ATP5F1E: variants seen among roughly 807,000 people sequenced by gnomAD.
ATP5F1E encodes ATP synthase F(1) complex subunit epsilon, mitochondrial.
Under a neutral mutation model 7.0 loss-of-function variants are expected in ATP5F1E, and 5 were observed. That is an observed-to-expected ratio of 0.71 (90% CI 0.37 to 1.49). The LOEUF (loss-of-function observed/expected upper bound fraction) is 1.49, where lower values mean the gene tolerates loss of function less well. ATP5F1E is among the 40% of genes most tolerant of loss of function. The pLI is 0.03. For synonymous variants in ATP5F1E, 20 were observed against 20.1 expected (o/e 0.99, Z 0.02); for missense variants, 59 against 57.1 (o/e 1.03, Z -0.11).
chr20:59,032,231 C>A lies in ATP5F1E; in HGVS notation c.21G>T (p.Gln7His), dbSNP rs1443946960. The change falls in exon 1 of 3, where the codon CAG (glutamine) becomes CAT (histidine). Residue 7 changes from glutamine to histidine, a missense_variant. Gln to His is a conservative substitution (Grantham distance 24, BLOSUM62 0). Transcript: ENST00000243997. ...AGGCCTGGGCCTACCTGAGTCCAGCCTGTCTCCAGTAGGCCACCATGCTGT... is the reference window on the plus strand; with the variant it reads ...AGGCCTGGGCCTACCTGAGTCCAGCATGTCTCCAGTAGGCCACCATGCTGT... MVAYWRQAGLSYIRYSQ... is the reference protein window; with the variant it reads MVAYWRHAGLSYIRYSQ... 1.3e-6 allele frequency: 2 copies of A among 1,595,648 alleles called. No homozygotes were observed. The highest frequency in any genetic ancestry group is 2.3e-5 in the East Asian group (1 of 44,288).
At position 59,026,669 on chromosome 20, in the gene ATP5F1E, T is replaced by C. The variant is rs547862321; in HGVS notation, c.*2176A>G. Reference sequence around the variant, plus strand: ...TTGAAGCCTAACCATCCAGACTGAGTAGTTAAAAATATTTAGAAATGCATC... The same window carrying C: ...TTGAAGCCTAACCATCCAGACTGAGCAGTTAAAAATATTTAGAAATGCATC... On this transcript the variant is annotated 3_prime_UTR_variant, in exon 3 of 3. Coordinates refer to ENST00000243997, the MANE Select transcript of ATP5F1E (RefSeq NM_006886.4). 1.3e-5 allele frequency: 2 copies of C among 152,282 alleles called. No individual in the cohort carries two copies. The highest frequency in any genetic ancestry group is 4.1e-4 in the South Asian group (2 of 4,834). 9.4% of individuals were successfully genotyped at this position (152,282 alleles called of 1,614,324 possible).
At chr20:59,029,732 A>C (rs1292840754) in intron 2 of ATP5F1E, 1 of 161,282 alleles carries the variant, frequency 6.2e-6, no homozygotes, top group Non-Finnish European at 1.4e-5. Context: ...ATCTTTGGAA[A>C]AGTAAAATGA....
chr20:59,030,656 G>T (rs1007142141), intron 1 of ATP5F1E, among the ~76,000 whole-genome samples: 1 of 152,130 alleles, frequency 6.6e-6, no homozygotes. Context: ...GATGATCTTT[G>T]ATTTTTCTTC....
chr20:59,032,327 C>G lies in ATP5F1E; in HGVS notation c.-76G>C. 6.4e-7 allele frequency: 1 copy of G among 1,551,912 alleles called. No homozygotes were observed. Among genetic ancestry groups the G allele is most frequent in the South Asian group, 1.2e-5 (1 of 84,744 alleles). On this transcript the variant is annotated 5_prime_UTR_variant, in exon 1 of 3. Coordinates refer to ENST00000243997, the MANE Select transcript of ATP5F1E (RefSeq NM_006886.4). ...TGTCGGCTCAGCCGGGCGGTTCAGC[C>G]GCAGGAAGATCAGACCACAGAAGCG...
rs2091993191 is a variant in ATP5F1E at position 59,026,129 on chromosome 20, A to T, written c.*2716T>A. The T allele has an allele frequency of 6.6e-6, 1 of 152,242 alleles. No individual in the cohort carries two copies. The highest frequency in any genetic ancestry group is 2.4e-5 in the African/African-American group (1 of 41,458). 9.4% of individuals were successfully genotyped at this position (152,242 alleles called of 1,614,324 possible). A position where few individuals can be genotyped will look rare whatever the true frequency, so the allele number is the denominator to read the frequency against. On this transcript the variant is annotated 3_prime_UTR_variant, in exon 3 of 3. Coordinates refer to ENST00000243997, the MANE Select transcript of ATP5F1E (RefSeq NM_006886.4). ...CTCTTGATTTGCTTTTGTAATCAGC[A>T]ATAATAAAATAGCAGGTAGATGGAT... is the stretch of plus-strand genomic sequence containing the variant.
chr20:59,031,835 TCTC>T (rs1229161186), intron 1 of ATP5F1E, among the ~76,000 whole-genome samples: 2 of 152,198 alleles, frequency 1.3e-5, no homozygotes, highest in African/African-American at 2.4e-5. Context: ...TGGAGAGAAA[TCTC>T]CTGTTTCCCG....
At chr20:59,030,106 G>T in intron 2 of ATP5F1E, 197 bp downstream of exon 2, 1 of 506,458 alleles carries the variant, frequency 2.0e-6, no homozygotes, top group East Asian at 4.6e-5. Flanking sequence ...TGCTTGTCAG[G>T]GCCCAAGAAG....
rs1474585678 is a variant in ATP5F1E, at chr20:59,028,371, T to C, written c.*474A>G. ...TACAATTTAGTATTTCTTCTTCTAA[T>C]CTACACTTTTAGTATTTAATAATTA... On this transcript the variant is annotated 3_prime_UTR_variant, in exon 3 of 3. Coordinates refer to ENST00000243997, the MANE Select transcript of ATP5F1E (RefSeq NM_006886.4). The C allele has an allele frequency of 6.6e-6, 1 of 152,250 alleles. No homozygotes were observed. The highest frequency in any genetic ancestry group is 2.4e-5 in the African/African-American group (1 of 41,458). 9.4% of individuals were successfully genotyped at this position (152,250 alleles called of 1,614,324 possible).
Position 59,032,335 on chromosome 20 carries a change from G to T in ATP5F1E, c.-84C>A, listed in dbSNP as rs937656951. On this transcript the variant is annotated 5_prime_UTR_variant, in exon 1 of 3. Transcript: ENST00000243997. ...CAGCCGGGCGGTTCAGCCGCAGGAA[G>T]ATCAGACCACAGAAGCGGAAGAGGC... 6.5e-7 allele frequency: 1 copy of T among 1,536,570 alleles called. No homozygotes were observed. The highest frequency in any genetic ancestry group is 8.8e-7 in the Non-Finnish European group (1 of 1,132,980).
intron 2 of ATP5F1E, 37 bp from the exon 3 acceptor site, chr20:59,028,878 T>C (rs2092008694): frequency 6.0e-6 from 1 of 166,944 alleles, no homozygotes; most frequent in Admixed American, 6.5e-5. Flanking sequence ...GCTGGCTAGT[T>C]CTCTGTGTTT....
chr20:59,031,373 AT>A lies in ATP5F1E; in HGVS notation c.32+846del, dbSNP rs1306231854. 7.9e-5 allele frequency among the ~76,000 whole-genome samples: 12 copies of A among 152,346 alleles called. No individual in the cohort carries two copies. In the East Asian group the frequency reaches 2.3e-3, roughly 29 times the overall value. ...CAGGGTAGGTTGCCTAATAAACGGT[AT>A]CTACTACTGGGACTATCATCCTTCC... is the stretch of plus-strand genomic sequence containing the variant. On this transcript the variant is annotated intron_variant, in intron 1 of 2. Transcript: ENST00000243997.
At chr20:59,029,755 G>A (rs1478841284) in intron 2 of ATP5F1E, 3 of 166,014 alleles carry the variant, frequency 1.8e-5, no homozygotes, top group African/African-American at 7.2e-5. Context: ...CAAACCCTCT[G>A]AAAGCATAAT....
At chr20:59,030,747 A>G (rs1288636881) in intron 1 of ATP5F1E, among the ~76,000 whole-genome samples, 1 of 152,224 alleles carries the variant, frequency 6.6e-6, no homozygotes, top group Non-Finnish European at 1.5e-5. Context: ...CACAGCATAG[A>G]AAAAAAGAGA....
chr20:59,028,275 GA>G lies in ATP5F1E; in HGVS notation c.*569del, dbSNP rs1212903883. On this transcript the variant is annotated 3_prime_UTR_variant, in exon 3 of 3. Coordinates refer to ENST00000243997, the MANE Select transcript of ATP5F1E (RefSeq NM_006886.4). ...TAAAGATTCATTTACAAAACAATGT[GA>G]AAAACACTTTGTGCTTAAATTCTGT... 8 of 152,166 alleles carry G rather than the reference GA, an allele frequency of 5.3e-5. No homozygotes were observed. The highest frequency in any genetic ancestry group is 1.0e-4 in the Non-Finnish European group (7 of 68,018). The allele number at this position is 152,166 out of a possible 1,614,324, so 9.4% of individuals were successfully genotyped here.
intron 2 of ATP5F1E, 67 bp downstream of exon 2, chr20:59,030,236 T>G: frequency 6.3e-7 from 1 of 1,592,414 alleles, no homozygotes; most frequent in South Asian, 1.1e-5. Flanking sequence ...ACTAAAATTA[T>G]TTTGATCTTT....
At chr20:59,032,156 T>C in intron 1 of ATP5F1E, 64 bp downstream of exon 1, 3 of 1,556,502 alleles carry the variant, frequency 1.9e-6, no homozygotes, top group Non-Finnish European at 2.6e-6. Flanking sequence ...CTGCATGACC[T>C]CTGGGCACCG....
chr20:59,029,142 AGAGGGGCTAAT>A (rs1418977293), intron 2 of ATP5F1E: 1 of 152,210 alleles, frequency 6.6e-6, no homozygotes, highest in Admixed American at 6.5e-5. Flanking sequence ...GGCATAACAG[AGAGGGGCTAAT>A]GCTTTGTTTA....
At chr20:59,030,734 T>C (rs2092022120) in intron 1 of ATP5F1E, among the ~76,000 whole-genome samples, 1 of 152,180 alleles carries the variant, frequency 6.6e-6, no homozygotes, top group Admixed American at 6.5e-5. Context: ...TTTTTAAAAA[T>C]CCCACAGCAT....
chr20:59,027,128 T>A lies in ATP5F1E; in HGVS notation c.*1717A>T, dbSNP rs1400286694. 6.6e-6 allele frequency: 1 copy of A among 152,224 alleles called. No homozygotes were observed. The highest frequency in any genetic ancestry group is 1.5e-5 in the Non-Finnish European group (1 of 68,038). 9.4% of individuals were successfully genotyped at this position (152,224 alleles called of 1,614,324 possible). ...GACAGTAAACTTGTCTTTTACTCAG[T>A]GACTTCACTCCTTTCCATATCACAA... On this transcript the variant is annotated 3_prime_UTR_variant, in exon 3 of 3. Transcript: ENST00000243997.
Sources: allele counts gnomAD v4.1 joint callset (sites outside exome capture counted in the v4.1 genomes callset), GRCh38; gene constraint gnomAD v4.1.1; transcripts MANE v1.5; gene names NCBI Gene and HGNC (gene_info 2026-07-23, HGNC 2026-07-21).